PKHD1L1: variants seen among roughly 807,000 people sequenced by gnomAD.
PKHD1L1 encodes the protein fibrocystin-L.
A neutral mutation model predicts 462.9 loss-of-function variants in PKHD1L1; 434 were observed. The ratio of observed to expected loss-of-function variants is 0.94; its 90% CI spans 0.87 to 1.02. PKHD1L1 has a LOEUF of 1.02. PKHD1L1 is among the 50% of genes least tolerant of loss of function. The probability of loss-of-function intolerance (pLI) is 0.00; values close to 1 mark genes in which losing one functional copy is unlikely to be tolerated. For synonymous variants in PKHD1L1, 1,781 were observed against 1,750.0 expected (o/e 1.02, Z -0.44); for missense variants, 5,202 against 5,096.1 (o/e 1.02, Z -0.63).
In PKHD1L1 at chr8:109,400,178, G is replaced by C; in HGVS notation, c.1115G>C (p.Ser372Thr). The change falls in exon 13 of 78, where the codon AGT (serine) becomes ACT (threonine). Residue 372 changes from serine (S) to threonine (T), a missense_variant. Transcript: ENST00000378402. ...AAAACGCCTGGGTACATGGGTGCCA[G>C]TTGGGTAGATTCAGCTTCCTATATT... The part of the protein sequence containing the change: ...NEKTPGYMGA[S>T]WVDSASYIWL... 1 of 1,613,750 alleles carries C rather than the reference G, an allele frequency of 6.2e-7. No individual in the cohort carries two copies. Among genetic ancestry groups the C allele is most frequent in the Non-Finnish European group, 8.5e-7 (1 of 1,179,720 alleles).
In PKHD1L1 at chr8:109,406,510, G is replaced by C. The variant is rs151118703; in HGVS notation, c.1813+32G>C. 142 of 1,556,132 alleles carry C rather than the reference G, an allele frequency of 9.1e-5. No individual in the cohort carries two copies. The East Asian group carries it at 3.3e-3, about 36-fold the overall frequency. ...ATGTACTTAATTTTGTACTTCTGTA[G>C]GAAACAAATGTATATCCTGTGCCAC... On this transcript the variant is annotated intron_variant, in intron 17 of 77. Coordinates refer to ENST00000378402, the MANE Select transcript of PKHD1L1 (RefSeq NM_177531.6).
At chr8:109,362,717 C>T (rs1811041917) in intron 1 of PKHD1L1, 64 bp downstream of exon 1, 1 of 1,523,330 alleles carries the variant, frequency 6.6e-7, no homozygotes, top group Non-Finnish European at 8.9e-7. Flanking sequence ...ACCCCTGCTC[C>T]CGGGGTCCTG....
intron 35 of PKHD1L1, 80 bp from the exon 36 acceptor site, chr8:109,442,866 C>A: frequency 5.3e-6 from 7 of 1,319,762 alleles, no homozygotes; most frequent in Non-Finnish European, 7.5e-6. Flanking sequence ...TTTAAATGAT[C>A]ATTTCAAATT....
At chr8:109,529,832 G>T (rs1820985918) in intron 77 of PKHD1L1, among the ~76,000 whole-genome samples, 3 of 151,864 alleles carry the variant, frequency 2.0e-5, no homozygotes, top group Middle Eastern at 3.4e-3. Context: ...CTAAATAAAA[G>T]ACCTTATATT....
At chr8:109,450,271 A>T (rs543034829) in intron 40 of PKHD1L1, among the ~76,000 whole-genome samples, 1 of 152,340 alleles carries the variant, frequency 6.6e-6, no homozygotes, top group African/African-American at 2.4e-5. Context: ...TTAAGAAGAT[A>T]TTTAAACAAT....
At position 109,522,240 on chromosome 8, in the gene PKHD1L1, T is replaced by C; in HGVS notation, c.12086T>C (p.Val4029Ala). The C allele has an allele frequency of 6.2e-7, 1 of 1,605,158 alleles. No homozygotes were observed. The highest frequency in any genetic ancestry group is 1.1e-5 in the South Asian group (1 of 90,768). Residue 4029 changes from valine (V) to alanine (A), a missense_variant, in exon 74 of 78, where the codon GTA (valine) becomes GCA (alanine). Physicochemically the swap from Val to Ala is moderately conservative, Grantham distance 64. Around this residue, in one of 3 missense-constraint regions of PKHD1L1, gnomAD observed 698 missense variants for 736.3 expected, o/e 0.95. Coordinates refer to ENST00000378402, the MANE Select transcript of PKHD1L1 (RefSeq NM_177531.6). ...QEIAGSLGQA[V>A]ILGNISSILG... ...ATTGCTGGTTCTCTTGGACAAGCTGTAATTTTAGGAAACATCAGTAGTATC... is the reference window on the plus strand; with the variant it reads ...ATTGCTGGTTCTCTTGGACAAGCTGCAATTTTAGGAAACATCAGTAGTATC...
intron 30 of PKHD1L1, among the ~76,000 whole-genome samples, chr8:109,437,345 G>GT (rs1815479687): frequency 6.6e-6 from 1 of 152,088 alleles, no homozygotes; most frequent in Admixed American, 6.6e-5. Context: ...TTAAAACAGA[G>GT]TTTTTTTATT....
chr8:109,503,315 C>CAAAA (rs35157030), intron 67 of PKHD1L1, among the ~76,000 whole-genome samples: 3 of 132,658 alleles, frequency 2.3e-5, no homozygotes, highest in African/African-American at 8.0e-5. Flanking sequence ...CAAAAACAAA[C>CAAAA]AAAAAAAAAA....
At chr8:109,381,571 A>C in intron 3 of PKHD1L1, 57 bp downstream of exon 3, 1 of 1,281,242 alleles carries the variant, frequency 7.8e-7, no homozygotes, top group Non-Finnish European at 1.1e-6. Context: ...AGTTACAGTT[A>C]TGAATATTAG....
In PKHD1L1 at chr8:109,449,716, G is replaced by A. The variant is rs189264235; in HGVS notation, c.6175+229G>A. ...ATAAATTGCAGTTTTTCAGTTTCTGGTATAAACTGATGGTTCTTAGTTTAT... is the reference window on the plus strand; with the variant it reads ...ATAAATTGCAGTTTTTCAGTTTCTGATATAAACTGATGGTTCTTAGTTTAT... On this transcript the variant is annotated intron_variant, in intron 40 of 77. Transcript: ENST00000378402. Among the ~76,000 whole-genome samples the A allele has an allele frequency of 6.5e-3, 988 of 152,212 alleles. 27 individuals carry two copies. Among genetic ancestry groups the A allele is most frequent in the Admixed American group, 0.055 (835 of 15,288 alleles).
At position 109,448,145 on chromosome 8, in the gene PKHD1L1, C is replaced by A. The variant is rs754234939; in HGVS notation, c.5779C>A (p.Pro1927Thr). The A allele has an allele frequency of 2.2e-5, 35 of 1,591,356 alleles. No individual in the cohort carries two copies. Among genetic ancestry groups the A allele is most frequent in the Non-Finnish European group, 2.9e-5 (34 of 1,169,574 alleles). ...FLRGIIPSRG[P>T]PGTEIEITGS... is the part of the protein sequence containing the mutation. Reference sequence around the variant, plus strand: ...TGTGTGCTTTTTTTTTTTTTAAGGTCCACCAGGAACTGAAATTGAGATCAC... The same window carrying A: ...TGTGTGCTTTTTTTTTTTTTAAGGTACACCAGGAACTGAAATTGAGATCAC... The change falls in exon 39 of 78, where the codon CCA becomes ACA. Residue 1927 changes from proline to threonine, a missense_variant and splice_region_variant. This residue lies in a region of PKHD1L1 where 4,497 missense variants were observed against 4,336.8 expected (regional missense o/e 1.04). Coordinates refer to ENST00000378402, the MANE Select transcript of PKHD1L1 (RefSeq NM_177531.6).
chr8:109,387,575 A>G (rs893713285), intron 6 of PKHD1L1, among the ~76,000 whole-genome samples: 23 of 152,192 alleles, frequency 1.5e-4, no homozygotes, highest in Admixed American at 1.0e-3. Flanking sequence ...ATAGGAACCT[A>G]TAAGTGTTAG....
chr8:109,491,998 G>A lies in PKHD1L1; in HGVS notation c.10236+4G>A. On this transcript the variant is annotated splice_donor_region_variant and intron_variant, in intron 62 of 77. Transcript: ENST00000378402. ...TCTCTGGCATGCAGCAATTGAGGTA[G>A]TGAAAACAAACTTATAATTATACTA... 1 of 1,507,742 alleles carries A rather than the reference G, an allele frequency of 6.6e-7. No homozygotes were observed. 93.4% of individuals were successfully genotyped at this position (1,507,742 alleles called of 1,614,324 possible).
chr8:109,432,512 TTATC>T (rs138555285), intron 27 of PKHD1L1, among the ~76,000 whole-genome samples: 1,849 of 152,248 alleles, frequency 0.012, 29 homozygotes, highest in African/African-American at 0.035. Flanking sequence ...AGATATGTAA[TTATC>T]TATCTATCTA....
chr8:109,441,446 T>G, intron 34 of PKHD1L1, 67 bp downstream of exon 34: 1 of 926,926 alleles, frequency 1.1e-6, no homozygotes, highest in Admixed American at 3.2e-5. Flanking sequence ...TGATTTTTAT[T>G]TATTTTATAT....
rs778444990 is a variant in PKHD1L1, at chr8:109,485,040, TAAG to T, written c.9577-3_9577-1del. 2 of 1,566,610 alleles carry T rather than the reference TAAG, an allele frequency of 1.3e-6. No individual in the cohort carries two copies. The highest frequency in any genetic ancestry group is 2.5e-5 in the South Asian group (2 of 80,852). ...CTTAAATTTGGCACTTGAATTTTTC[TAAG>T]GAGGGAGAAGAGATTGTGATAACAA... On this transcript the variant is annotated splice_acceptor_variant and splice_polypyrimidine_tract_variant and intron_variant, in intron 57 of 77. Transcript: ENST00000378402. LOFTEE classifies it high-confidence loss of function.
Position 109,443,717 on chromosome 8 carries a change from T to A in PKHD1L1, c.4606T>A (p.Cys1536Ser). Residue 1536 changes from cysteine to serine, a missense_variant, in exon 37 of 78, where the codon TGC (cysteine) becomes AGC (serine). This residue lies in a region of PKHD1L1 where 4,497 missense variants were observed against 4,336.8 expected (regional missense o/e 1.04). Coordinates refer to ENST00000378402, the MANE Select transcript of PKHD1L1 (RefSeq NM_177531.6). ...GCACTTGGGAAGCTCTGTGGCAGGC[T>A]GCCTAGCAACAGAACCCCTGTGCAG... The part of the protein sequence containing the change: ...NLHLGSSVAG[C>S]LATEPLCSLN... 2 of 1,613,594 alleles carry A rather than the reference T, an allele frequency of 1.2e-6. No homozygotes were observed. Among genetic ancestry groups the A allele is most frequent in the Non-Finnish European group, 1.7e-6 (2 of 1,179,694 alleles).
intron 39 of PKHD1L1, 50 bp from the exon 40 acceptor site, chr8:109,449,288 A>G: frequency 1.3e-6 from 2 of 1,492,632 alleles, no homozygotes; most frequent in Non-Finnish European, 1.8e-6. Context: ...TACACAGAAG[A>G]AGTTTTATTT....
chr8:109,401,426 A>T (rs954591392), intron 13 of PKHD1L1, 71 bp from the exon 14 acceptor site: 1 of 784,528 alleles, frequency 1.3e-6, no homozygotes, highest in Middle Eastern at 2.3e-4. Context: ...AATAAATGAT[A>T]AATAAATAAA....
Sources: allele counts gnomAD v4.1 joint callset (sites outside exome capture counted in the v4.1 genomes callset), GRCh38; gene constraint gnomAD v4.1.1; regional missense constraint gnomAD v4.1.1; transcripts MANE v1.5; gene names NCBI Gene and HGNC (gene_info 2026-07-23, HGNC 2026-07-21).